The following MAST2 variants were observed in gnomAD, a reference collection of about 807,000 sequenced individuals.
MAST2 encodes the protein microtubule associated serine/threonine kinase 2, also known as microtubule-associated serine/threonine-protein kinase 2.
A neutral mutation model predicts 147.4 loss-of-function variants in MAST2; 70 were observed. That is an observed-to-expected ratio of 0.47 (90% CI 0.39 to 0.58). MAST2 has a LOEUF of 0.58. Among genes scored for constraint, MAST2 ranks in the 20% least tolerant of loss-of-function variants. MAST2 has a pLI of 0.00. For synonymous variants in MAST2, 869 were observed against 896.8 expected (o/e 0.97, Z 0.55); for missense variants, 2,080 against 2,302.3 (o/e 0.90, Z 1.98).
chr1:45,864,322 C>A (rs920179651), intron 3 of MAST2, among the ~76,000 whole-genome samples: 1 of 152,190 alleles, frequency 6.6e-6, no homozygotes, highest in Non-Finnish European at 1.5e-5. Flanking sequence ...TCAGAACTCA[C>A]AACACGTGGA....
chr1:46,027,988 G>A (rs1571271348), intron 17 of MAST2, 125 bp downstream of exon 17: 1 of 1,130,944 alleles, frequency 8.8e-7, no homozygotes, highest in Non-Finnish European at 1.3e-6. Context: ...GGCCAGCCTG[G>A]GCAACATAGT....
chr1:45,899,159 G>C (rs560476944), intron 4 of MAST2, among the ~76,000 whole-genome samples: 1 of 152,226 alleles, frequency 6.6e-6, no homozygotes, highest in Non-Finnish European at 1.5e-5. Context: ...TCCAAAGCAG[G>C]ATGATGGTTT....
intron 5 of MAST2, among the ~76,000 whole-genome samples, chr1:45,980,678 G>A (rs752377937): frequency 6.6e-6 from 1 of 152,070 alleles, no homozygotes; most frequent in African/African-American, 2.4e-5. Flanking sequence ...GTGACTACAT[G>A]TGCGCACCAC....
In MAST2 at chr1:46,031,719, G is replaced by A; in HGVS notation, c.3187+134G>A. 2 of 888,890 alleles carry A rather than the reference G, an allele frequency of 2.3e-6. No individual in the cohort carries two copies. Among genetic ancestry groups the A allele is most frequent in the Admixed American group, 5.5e-5 (2 of 36,490 alleles). The allele number at this position is 888,890 out of a possible 1,614,324, so 55.1% of individuals were successfully genotyped here. A position where few individuals can be genotyped will look rare whatever the true frequency, so the allele number is the denominator to read the frequency against. On this transcript the variant is annotated intron_variant, in intron 24 of 28. Transcript: ENST00000361297. This position sits in a 1 kb window ranked among gnomAD's most constrained non-coding sequence, Gnocchi z 4.1. ...ATCTGACTGTGGTCTCTGAAGGTGT[G>A]TATTGGTGTCTGGGGTTGTGTATAC... is the stretch of plus-strand genomic sequence containing the variant.
chr1:45,990,897 TG>T (rs1455610489), intron 5 of MAST2, among the ~76,000 whole-genome samples: 3 of 152,318 alleles, frequency 2.0e-5, no homozygotes, highest in South Asian at 2.1e-4. Context: ...AGCTTATTAA[TG>T]TTTTTTTTCA....
chr1:46,026,600 G>A (rs758166876), intron 16 of MAST2, among the ~76,000 whole-genome samples: 34 of 152,132 alleles, frequency 2.2e-4, no homozygotes, highest in Non-Finnish European at 3.7e-4. Flanking sequence ...AAGAGATACC[G>A]AGACCAGGGA....
intron 5 of MAST2, among the ~76,000 whole-genome samples, chr1:45,968,482 G>GT (rs35946730): frequency 1.1e-3 from 153 of 144,144 alleles, no homozygotes; most frequent in East Asian, 2.6e-3. Flanking sequence ...TTTTTTTGTT[G>GT]TTTTTTTTTT....
chr1:45,978,687 T>C (rs1301606897), intron 5 of MAST2, among the ~76,000 whole-genome samples: 2 of 152,234 alleles, frequency 1.3e-5, no homozygotes, highest in Non-Finnish European at 2.9e-5. Flanking sequence ...AACAGCTTGG[T>C]GTTTTCTTAC....
At chr1:45,870,657 C>G (rs1047399300) in intron 3 of MAST2, among the ~76,000 whole-genome samples, 1 of 151,368 alleles carries the variant, frequency 6.6e-6, no homozygotes, top group East Asian at 1.9e-4. Context: ...TACAGTGGCT[C>G]ATGCCTATAA....
At chr1:45,986,911 T>C (rs1398969164) in intron 5 of MAST2, among the ~76,000 whole-genome samples, 1 of 152,130 alleles carries the variant, frequency 6.6e-6, no homozygotes, top group Non-Finnish European at 1.5e-5. Flanking sequence ...TGGGAAGTAT[T>C]CCCTCCTCTT....
chr1:45,955,932 A>C (rs1659593703), intron 4 of MAST2, among the ~76,000 whole-genome samples: 1 of 152,204 alleles, frequency 6.6e-6, no homozygotes, highest in Non-Finnish European at 1.5e-5. Flanking sequence ...GGAATATAAT[A>C]GATTGTATGA....
intron 3 of MAST2, among the ~76,000 whole-genome samples, chr1:45,867,059 T>G (rs1390006592): frequency 6.6e-6 from 1 of 152,196 alleles, no homozygotes; most frequent in Non-Finnish European, 1.5e-5. Context: ...CTATTTTGCC[T>G]ATTTTTAAAA....
chr1:45,836,725 G>A (rs554457110), intron 3 of MAST2, among the ~76,000 whole-genome samples: 3 of 152,128 alleles, frequency 2.0e-5, no homozygotes, highest in South Asian at 4.1e-4. Flanking sequence ...AAATTCACCC[G>A]TTTTAAGTGT....
intron 4 of MAST2, among the ~76,000 whole-genome samples, chr1:45,902,883 T>G (rs1650017374): frequency 6.6e-6 from 1 of 152,108 alleles, no homozygotes; most frequent in Admixed American, 6.5e-5. Flanking sequence ...TCTTGGTTAA[T>G]CTACCTAGCA....
At chr1:45,967,377 T>G (rs537458246) in intron 5 of MAST2, among the ~76,000 whole-genome samples, 52 of 152,216 alleles carry the variant, frequency 3.4e-4, no homozygotes, top group African/African-American at 1.3e-3. Flanking sequence ...GCCTTGCATA[T>G]AACTTTTGAC....
At chr1:45,888,698 T>C (rs1340466705) in intron 4 of MAST2, among the ~76,000 whole-genome samples, 2 of 80,666 alleles carry the variant, frequency 2.5e-5, no homozygotes, top group Non-Finnish European at 4.8e-5. Context: ...TTTTTTTTTT[T>C]TGAGATGGAG....
intron 8 of MAST2, among the ~76,000 whole-genome samples, chr1:46,007,562 G>A (rs1011016857): frequency 1.3e-5 from 2 of 152,178 alleles, no homozygotes; most frequent in African/African-American, 2.4e-5. Flanking sequence ...CACATTCCAG[G>A]GAAGAAAGAC....
At chr1:45,978,469 T>C (rs574874031) in intron 5 of MAST2, among the ~76,000 whole-genome samples, 1 of 152,014 alleles carries the variant, frequency 6.6e-6, no homozygotes, top group South Asian at 2.1e-4. Context: ...TGAGCAAAGA[T>C]CACGGCACTG....
intron 21 of MAST2, 123 bp from the exon 22 acceptor site, chr1:46,030,484 G>A: frequency 8.7e-7 from 1 of 1,148,870 alleles, no homozygotes; most frequent in South Asian, 1.4e-5. Context: ...CAGCAGGGGT[G>A]TGTGAAGGAG....
Sources: gnomAD v4.1 joint callset for allele counts (sites outside exome capture counted in the v4.1 genomes callset) on GRCh38, gnomAD v4.1.1 for gene constraint, Gnocchi (gnomAD v3.1) non-coding constraint, MANE v1.5 for transcripts, NCBI Gene and HGNC (gene_info 2026-07-23, HGNC 2026-07-21) for gene names.